The following SOBP variants were observed in gnomAD, a reference collection of about 807,000 sequenced individuals.
SOBP encodes sine oculis-binding protein homolog.
A neutral mutation model predicts 53.6 loss-of-function variants in SOBP; 4 were observed. The observed-to-expected ratio is 0.07, with a 90% CI of 0.04 to 0.17. The LOEUF is 0.17. SOBP is among the 10% of genes least tolerant of loss of function. The pLI is 1.00. For missense variants in SOBP, 1,088 were observed against 1,204.7 expected, an observed-to-expected ratio of 0.90 and a Z score of 1.43; for synonymous variants, 584 against 522.6, an observed-to-expected ratio of 1.12 and a Z score of -1.60.
intron 5 of SOBP, among the ~76,000 whole-genome samples, chr6:107,626,024 C>A (rs1285069635): frequency 6.6e-6 from 1 of 151,926 alleles, no homozygotes; most frequent in East Asian, 1.9e-4. Flanking sequence ...TTCAAATATT[C>A]ATTAGAAAGC....
At chr6:107,582,210 G>T (rs912621275) in intron 4 of SOBP, among the ~76,000 whole-genome samples, 1 of 152,126 alleles carries the variant, frequency 6.6e-6, no homozygotes, top group Non-Finnish European at 1.5e-5. Context: ...CTTTTCTAAA[G>T]GCATTCTTCA....
chr6:107,626,765 C>T (rs186207020), intron 5 of SOBP, among the ~76,000 whole-genome samples: 6 of 152,300 alleles, frequency 3.9e-5, no homozygotes, highest in African/African-American at 1.2e-4. Flanking sequence ...TTAGGAGGCA[C>T]GTTTTCCATG....
At chr6:107,524,920 A>G (rs866290972) in intron 3 of SOBP, among the ~76,000 whole-genome samples, 4 of 152,200 alleles carry the variant, frequency 2.6e-5, no homozygotes, top group Non-Finnish European at 2.9e-5. Context: ...TCTGTGAAAT[A>G]TGGCACACTC....
chr6:107,574,913 A>AG (rs1785181367), intron 4 of SOBP, among the ~76,000 whole-genome samples: 1 of 152,218 alleles, frequency 6.6e-6, no homozygotes, highest in South Asian at 2.1e-4. Flanking sequence ...GAGAGACCAG[A>AG]GGGCGAGTTA....
At chr6:107,571,120 G>A (rs1353365298) in intron 4 of SOBP, among the ~76,000 whole-genome samples, 1 of 152,198 alleles carries the variant, frequency 6.6e-6, no homozygotes, top group Non-Finnish European at 1.5e-5. Context: ...CTTTGTTACT[G>A]TGGGGTCTGG....
intron 4 of SOBP, among the ~76,000 whole-genome samples, chr6:107,567,938 G>T (rs1228812245): frequency 6.6e-6 from 1 of 152,194 alleles, no homozygotes; most frequent in Non-Finnish European, 1.5e-5. Context: ...TCCAGAGTGG[G>T]TGTGTGGAAG....
chr6:107,585,200 TCAAC>T (rs1785528502), intron 4 of SOBP, among the ~76,000 whole-genome samples: 1 of 152,208 alleles, frequency 6.6e-6, no homozygotes, highest in Non-Finnish European at 1.5e-5. Context: ...TTGTTAAATA[TCAAC>T]TAAAAGTAAG....
At chr6:107,525,573 A>G (rs1256065896) in intron 3 of SOBP, among the ~76,000 whole-genome samples, 4 of 152,204 alleles carry the variant, frequency 2.6e-5, no homozygotes, top group Non-Finnish European at 4.4e-5. Flanking sequence ...TGCTTTGACT[A>G]GAAACACGGG....
intron 5 of SOBP, among the ~76,000 whole-genome samples, chr6:107,609,946 C>T (rs1487943065): frequency 1.3e-5 from 2 of 152,178 alleles, no homozygotes; most frequent in South Asian, 2.1e-4. Context: ...GAGGACCTCT[C>T]TTCCCACTCT....
intron 4 of SOBP, among the ~76,000 whole-genome samples, chr6:107,535,336 G>A (rs1480631407): frequency 1.3e-5 from 2 of 152,144 alleles, no homozygotes; most frequent in Non-Finnish European, 2.9e-5. Flanking sequence ...TTTGAAAAAT[G>A]GATAACTGGG....
At chr6:107,622,172 G>T (rs1770208363) in intron 5 of SOBP, among the ~76,000 whole-genome samples, 2 of 152,138 alleles carry the variant, frequency 1.3e-5, no homozygotes, top group South Asian at 4.1e-4. Flanking sequence ...TGCACTATTT[G>T]TTTTGATCCT....
At position 107,635,261 on chromosome 6, in the gene SOBP, TTAA is replaced by T; in HGVS notation, c.2421_2423del (p.Asn808del). The T allele has an allele frequency of 6.2e-7, 1 of 1,613,908 alleles. No individual in the cohort carries two copies. Among genetic ancestry groups the T allele is most frequent in the Non-Finnish European group, 8.5e-7 (1 of 1,179,984 alleles). On this transcript the variant is annotated inframe_deletion, in exon 6 of 7. Coordinates refer to ENST00000317357, the MANE Select transcript of SOBP (RefSeq NM_018013.4). The surrounding 1 kb of genome is among the most constrained non-coding windows in gnomAD (Gnocchi z 4.5). Reference sequence around the variant, plus strand: ...GGGGGCGACAAGTCAGACCCGAACCTTAATAACCCCGCGGACGAGGACCATGCC... The same window carrying T: ...GGGGGCGACAAGTCAGACCCGAACCTTAACCCCGCGGACGAGGACCATGCC...
chr6:107,503,598 A>G, intron 1 of SOBP, 59 bp from the exon 2 acceptor site: 1 of 1,589,302 alleles, frequency 6.3e-7, no homozygotes, highest in Non-Finnish European at 8.6e-7. Flanking sequence ...CAATTTATGC[A>G]TTCTTTTCAA....
chr6:107,572,262 C>G (rs1785094258), intron 4 of SOBP, among the ~76,000 whole-genome samples: 1 of 151,520 alleles, frequency 6.6e-6, no homozygotes, highest in African/African-American at 2.4e-5. Context: ...AAGAAAAGCC[C>G]TAGCCTTTTG....
chr6:107,525,637 T>C lies in SOBP; in HGVS notation c.422-7822T>C, dbSNP rs1583173308. 2.6e-5 allele frequency among the ~76,000 whole-genome samples: 4 copies of C among 152,354 alleles called. 1 individual carries two copies. Among genetic ancestry groups the C allele is most frequent in the Admixed American group, 2.6e-4 (4 of 15,312 alleles). On this transcript the variant is annotated intron_variant, in intron 3 of 6. Transcript: ENST00000317357. ...TTCTGGATTCGCAACATTTCTACCTTTTGATAATTGATTTCATCTCATTCT... is the reference window on the plus strand; with the variant it reads ...TTCTGGATTCGCAACATTTCTACCTCTTGATAATTGATTTCATCTCATTCT...
chr6:107,546,769 C>T (rs1784313348), intron 4 of SOBP, among the ~76,000 whole-genome samples: 1 of 152,094 alleles, frequency 6.6e-6, no homozygotes. Context: ...TTGATACAAA[C>T]CTAAATAAAA....
chr6:107,632,378 CA>C (rs1203205003), intron 5 of SOBP, among the ~76,000 whole-genome samples: 3 of 150,736 alleles, frequency 2.0e-5, no homozygotes, highest in Non-Finnish European at 4.4e-5. Flanking sequence ...AAAACTCTGT[CA>C]AAAAAAAGTA....
intron 4 of SOBP, among the ~76,000 whole-genome samples, chr6:107,559,526 T>C (rs1177741800): frequency 6.6e-6 from 1 of 152,236 alleles, no homozygotes; most frequent in Non-Finnish European, 1.5e-5. Flanking sequence ...TATTGAGAAT[T>C]ACCACGTTCG....
intron 5 of SOBP, among the ~76,000 whole-genome samples, chr6:107,600,224 G>C (rs1786127336): frequency 6.6e-6 from 1 of 152,196 alleles, no homozygotes; most frequent in South Asian, 2.1e-4. Context: ...TCTTCCAACA[G>C]GAATTAGGGT....
Sources: allele counts gnomAD v4.1 joint callset (sites outside exome capture counted in the v4.1 genomes callset), GRCh38; gene constraint gnomAD v4.1.1; non-coding constraint Gnocchi (gnomAD v3.1); transcripts MANE v1.5; gene names NCBI Gene and HGNC (gene_info 2026-07-23, HGNC 2026-07-21).